Variants in ANKRD62 observed in about 807,000 individuals in gnomAD.
The protein encoded by ANKRD62 is ankyrin repeat domain 62, also known as ankyrin repeat domain-containing protein 62.
Under a neutral mutation model 98.8 loss-of-function variants are expected in ANKRD62, and 61 were observed. The observed-to-expected ratio is 0.62, with a 90% confidence interval of 0.50 to 0.76. ANKRD62 has a LOEUF of 0.76. ANKRD62 is among the 30% of genes least tolerant of loss of function. The probability of loss-of-function intolerance (pLI) is 0.00; values close to 1 mark genes in which losing one functional copy is unlikely to be tolerated. For synonymous variants in ANKRD62, 341 were observed against 367.9 expected (o/e 0.93, Z 0.84); for missense variants, 933 against 1,082.9 (o/e 0.86, Z 1.94).
intron 5 of ANKRD62, among the ~76,000 whole-genome samples, chr18:12,098,687 G>A (rs1909236186): frequency 1.3e-5 from 2 of 152,288 alleles, no homozygotes; most frequent in South Asian, 4.1e-4. Flanking sequence ...ATGGCGCTGA[G>A]TAAACTCGTG....
rs1319474080 is a variant in ANKRD62 at position 12,126,102 on chromosome 18, A to G, written c.2281A>G (p.Ile761Val). 6.5e-7 allele frequency: 1 copy of G among 1,536,030 alleles called. No homozygotes were observed. The highest frequency in any genetic ancestry group is 8.7e-7 in the Non-Finnish European group (1 of 1,146,906). Residue 761 changes from isoleucine (I) to valine (V), a missense_variant, in exon 13 of 14, where the codon ATT (isoleucine) becomes GTT (valine). Around this residue, in one of 3 missense-constraint regions of ANKRD62, gnomAD observed 362 missense variants for 434.5 expected, o/e 0.83. Coordinates refer to ENST00000587848, the MANE Select transcript of ANKRD62 (RefSeq NM_001277333.2). ...ACACATGTACCAAAATGACCAACCT[A>G]TTTTGGAAAAATACGTGAGAAAGCA... ...IEHMYQNDQP[I>V]LEKYVRKQQS...
intron 10 of ANKRD62, among the ~76,000 whole-genome samples, chr18:12,121,250 G>T (rs1909776357): frequency 6.6e-6 from 1 of 152,176 alleles, no homozygotes; most frequent in Non-Finnish European, 1.5e-5. Context: ...CTTATAAACA[G>T]AATTCTTTTT....
chr18:12,175,931 C>G, the ANKRD62 span, among the ~76,000 whole-genome samples: 1 of 151,790 alleles, frequency 6.6e-6, no homozygotes, highest in Non-Finnish European at 1.5e-5. Flanking sequence ...GTGGCTCACA[C>G]CTGTAATCCC....
chr18:12,135,169 T>A, the ANKRD62 span, among the ~76,000 whole-genome samples: 2 of 148,618 alleles, frequency 1.3e-5, no homozygotes, highest in African/African-American at 5.1e-5. Flanking sequence ...ATTAGGTATA[T>A]CTCCTAATGC....
chr18:12,122,593 A>T, intron 11 of ANKRD62, 77 bp downstream of exon 11: 1 of 1,238,120 alleles, frequency 8.1e-7, no homozygotes, highest in Non-Finnish European at 1.1e-6. Context: ...GTAATAGCTG[A>T]CTTACCTTCT....
chr18:12,179,744 G>A, the ANKRD62 span, among the ~76,000 whole-genome samples: 1 of 142,442 alleles, frequency 7.0e-6, no homozygotes, highest in Non-Finnish European at 1.5e-5. Flanking sequence ...AGATGAGTTA[G>A]CGAGCCCAAC....
chr18:12,162,340 ATCT>A, the ANKRD62 span, among the ~76,000 whole-genome samples: 1 of 152,034 alleles, frequency 6.6e-6, no homozygotes, highest in Non-Finnish European at 1.5e-5. Context: ...GTCTGTTCAA[ATCT>A]TCTGCCTATT....
At chr18:12,166,642 G>A in the ANKRD62 span, among the ~76,000 whole-genome samples, 1 of 151,922 alleles carries the variant, frequency 6.6e-6, no homozygotes, top group African/African-American at 2.4e-5. Context: ...GCCTTATTTA[G>A]TTCATTTGGT....
chr18:12,125,445 CTT>C lies in ANKRD62; in HGVS notation c.1639-13_1639-12del, dbSNP rs1392686346. On this transcript the variant is annotated splice_polypyrimidine_tract_variant and intron_variant, in intron 12 of 13. Coordinates refer to ENST00000587848, the MANE Select transcript of ANKRD62 (RefSeq NM_001277333.2). The stretch of plus-strand genomic sequence containing the variant: ...TTATTGGGTGCTAGTTGAGAGTTTT[CTT>C]TGTTTTATTTAGAATTTTCATACTC... The C allele has an allele frequency of 3.3e-5, 48 of 1,434,380 alleles. No individual in the cohort carries two copies. Among genetic ancestry groups the C allele is most frequent in the Non-Finnish European group, 4.4e-5 (48 of 1,103,124 alleles). The allele number at this position is 1,434,380 out of a possible 1,614,324, so 88.9% of individuals were successfully genotyped here.
Position 12,101,898 on chromosome 18 carries a change from C to A in ANKRD62, c.821-1260C>A, listed in dbSNP as rs1909307736. 3 of 730,622 alleles carry A rather than the reference C, an allele frequency of 4.1e-6. No individual in the cohort carries two copies. The African/African-American group carries it at 5.2e-5, about 13-fold the overall frequency. The allele number at this position is 730,622 out of a possible 1,614,324, so 45.3% of individuals were successfully genotyped here. ...GAAGGCTGTCCACCAATGGACTTAC[C>A]CTGTTATTTCTTCCTTATTGTGAGT... is the stretch of plus-strand genomic sequence containing the variant. On this transcript the variant is annotated intron_variant, in intron 6 of 13. Transcript: ENST00000587848.
At chr18:12,104,646 A>G (rs1313977016) in intron 7 of ANKRD62, among the ~76,000 whole-genome samples, 1 of 152,166 alleles carries the variant, frequency 6.6e-6, no homozygotes, top group African/African-American at 2.4e-5. Context: ...CCTCGTTTTT[A>G]GGAAGAGACA....
the ANKRD62 span, among the ~76,000 whole-genome samples, chr18:12,166,269 C>G: frequency 6.6e-6 from 1 of 151,916 alleles, no homozygotes; most frequent in Non-Finnish European, 1.5e-5. Context: ...ACCAATAATT[C>G]TTAGATTTGC....
the ANKRD62 span, among the ~76,000 whole-genome samples, chr18:12,160,871 G>A: frequency 6.6e-6 from 1 of 152,050 alleles, no homozygotes; most frequent in Non-Finnish European, 1.5e-5. Context: ...AATAGACATC[G>A]CCTCAGTGCC....
the ANKRD62 span, among the ~76,000 whole-genome samples, chr18:12,136,524 C>T: frequency 4.6e-5 from 7 of 152,130 alleles, no homozygotes; most frequent in African/African-American, 7.2e-5. Context: ...CTTGGCGATG[C>T]GGGCTCTTTT....
At chr18:12,107,754 A>T (rs979288884) in intron 8 of ANKRD62, among the ~76,000 whole-genome samples, 7 of 152,200 alleles carry the variant, frequency 4.6e-5, no homozygotes, top group African/African-American at 1.7e-4. Flanking sequence ...GTTCAGTAGC[A>T]TGCATCACAA....
At chr18:12,162,013 C>G in the ANKRD62 span, among the ~76,000 whole-genome samples, 1 of 152,082 alleles carries the variant, frequency 6.6e-6, no homozygotes, top group African/African-American at 2.4e-5. Context: ...CTCTGAGAAT[C>G]TAATGTCCTT....
chr18:12,140,222 A>C, the ANKRD62 span, among the ~76,000 whole-genome samples: 1 of 152,168 alleles, frequency 6.6e-6, no homozygotes, highest in East Asian at 1.9e-4. Context: ...ACTTCTCTGC[A>C]TTGGTTATTC....
intron 1 of ANKRD62, 37 bp downstream of exon 1, chr18:12,094,272 T>G (rs1329344234): frequency 1.4e-6 from 2 of 1,480,730 alleles, no homozygotes; most frequent in African/African-American, 3.4e-5. Flanking sequence ...GGCCTGGGGA[T>G]ATGGGAGAAG....
At chr18:12,172,992 C>G in the ANKRD62 span, among the ~76,000 whole-genome samples, 1 of 152,308 alleles carries the variant, frequency 6.6e-6, no homozygotes, top group African/African-American at 2.4e-5. Flanking sequence ...CCCAGTTTTC[C>G]AAGTACCATC....
Sources: allele counts gnomAD v4.1 joint callset (sites outside exome capture counted in the v4.1 genomes callset), GRCh38; gene constraint gnomAD v4.1.1; regional missense constraint gnomAD v4.1.1; transcripts MANE v1.5; gene names NCBI Gene and HGNC (gene_info 2026-07-23, HGNC 2026-07-21).